PPCS: variants seen among roughly 807,000 people sequenced by gnomAD.
PPCS encodes phosphopantothenate--cysteine ligase.
PPCS carries 17 observed loss-of-function variants against 24.6 expected under a neutral mutation model. The observed-to-expected ratio is 0.69, with a 90% confidence interval of 0.47 to 1.04. PPCS has a LOEUF of 1.04. PPCS is among the 50% of genes least tolerant of loss of function. PPCS has a pLI of 0.00. For missense variants in PPCS, 360 were observed against 402.8 expected (o/e 0.89, Z 0.91); for synonymous variants, 190 against 168.3 (o/e 1.13, Z -1.00).
downstream of PPCS, chr1:42,464,090 A>G (rs1296815210): frequency 6.6e-6 from 1 of 152,158 alleles, no homozygotes; most frequent in African/African-American, 2.4e-5. Context: ...TCCTGCTACA[A>G]TGCTTTGCGT....
chr1:42,470,492 T>C (rs747279352), intron 2 of PPCS, among the ~76,000 whole-genome samples: 2 of 152,192 alleles, frequency 1.3e-5, no homozygotes, highest in Non-Finnish European at 2.9e-5. Context: ...AAAACAGGGA[T>C]TCAAATACTT....
At chr1:42,470,345 AAGACCTG>A (rs1643729109) in intron 2 of PPCS, among the ~76,000 whole-genome samples, 1 of 152,112 alleles carries the variant, frequency 6.6e-6, no homozygotes, top group African/African-American at 2.4e-5. Context: ...TGAAGATATT[AAGACCTG>A]CATTGCTGGT....
intron 2 of PPCS, among the ~76,000 whole-genome samples, chr1:42,468,128 G>A (rs892021945): frequency 2.0e-5 from 3 of 152,202 alleles, no homozygotes; most frequent in African/African-American, 7.2e-5. Flanking sequence ...CCCTCATATA[G>A]TAGTTGGGAT....
downstream of PPCS, chr1:42,464,239 T>C (rs1340796463): frequency 6.6e-6 from 1 of 152,232 alleles, no homozygotes; most frequent in Non-Finnish European, 1.5e-5. Flanking sequence ...CATTAAATAC[T>C]GTAGGTCTAG....
chr1:42,463,156 C>T (rs1015706324), downstream of PPCS, among the ~76,000 whole-genome samples: 5 of 152,152 alleles, frequency 3.3e-5, no homozygotes, highest in East Asian at 9.6e-4. Context: ...CCGCCCCCGA[C>T]CCGAAGGCCA....
chr1:42,456,531 C>T (rs981489922), upstream of PPCS: 18 of 1,441,266 alleles, frequency 1.2e-5, no homozygotes, highest in Non-Finnish European at 1.6e-5. Flanking sequence ...GCGGCGGCCG[C>T]GAAACGTGCG....
At chr1:42,469,405 C>A (rs1354121951) in intron 2 of PPCS, among the ~76,000 whole-genome samples, 1 of 151,992 alleles carries the variant, frequency 6.6e-6, no homozygotes, top group Non-Finnish European at 1.5e-5. Context: ...CAAAATGCAG[C>A]AAGTGTAAGA....
intron 2 of PPCS, among the ~76,000 whole-genome samples, chr1:42,470,092 G>A (rs563191673): frequency 1.3e-5 from 2 of 152,178 alleles, no homozygotes; most frequent in South Asian, 2.1e-4. Context: ...GTGGGACAAA[G>A]GGGTAAGATA....
At chr1:42,473,221 G>T in exon 3 of PPCS, 1 of 1,231,492 alleles carries the variant, frequency 8.1e-7, no homozygotes. Context: ...GCTTATTCCA[G>T]CCAGCACAGT....
At chr1:42,470,886 G>C (rs1451106776) in intron 2 of PPCS, among the ~76,000 whole-genome samples, 1 of 152,072 alleles carries the variant, frequency 6.6e-6, no homozygotes, top group Non-Finnish European at 1.5e-5. Context: ...TTGTGGTGAT[G>C]GTTAGACAAC....
In PPCS at chr1:42,459,178, T is replaced by TG. The variant is rs1208504908; in HGVS notation, c.613-424dup. On this transcript the variant is annotated intron_variant, in intron 2 of 2. Coordinates refer to ENST00000372561, the MANE Select transcript of PPCS (RefSeq NM_024664.4). ...GGCTTTTTTTTTTTTTTTTTTTTTT[T>TG]GTGAGACAAGGTGTCGCTCTGTTGC... 14 of 124,170 alleles carry TG rather than the reference T, an allele frequency of 1.1e-4. No individual in the cohort carries two copies. In the East Asian group the frequency reaches 1.5e-3, roughly 13 times the overall value. 7.7% of individuals were successfully genotyped at this position (124,170 alleles called of 1,614,324 possible). A position where few individuals can be genotyped will look rare whatever the true frequency, so the allele number is the denominator to read the frequency against.
chr1:42,466,591 G>A lies in PPCS; in HGVS notation n.378-6531G>A, dbSNP rs190258607. Among the ~76,000 whole-genome samples, 57 of 150,422 alleles carry A rather than the reference G, an allele frequency of 3.8e-4. No homozygotes were observed. In the East Asian group the frequency reaches 5.6e-3, roughly 15 times the overall value. ...TTTTGAGATGGAGCCTTGCTCTGTC[G>A]CCCAGGCTGGAGTGCAGTGTTGAGA... On this transcript the variant is annotated intron_variant and non_coding_transcript_variant, in intron 2 of 2. Transcript: ENST00000471420.
rs952234267 is a variant in PPCS, at chr1:42,459,924, T to G, written c.934T>G (p.Ter312GlyextTer6). The G allele has an allele frequency of 5.6e-6, 9 of 1,601,816 alleles. No homozygotes were observed. In the East Asian group the frequency reaches 2.0e-4, roughly 36 times the overall value. Residue 312 changes from the stop codon to glycine (G), a stop_lost, in exon 3 of 3, where the codon TGA becomes GGA. Transcript: ENST00000372561. ...CACAGCTTTTATAGGTGACAGAAAC[T>G]GAAGTAAAAAGCCCTTATAGGATCA... ...RHTAFIGDRN* is the reference protein window; with the variant it reads ...RHTAFIGDRNG
chr1:42,458,549 CAATA>C (rs1471990966), intron 2 of PPCS, among the ~76,000 whole-genome samples: 3 of 152,046 alleles, frequency 2.0e-5, no homozygotes, highest in Non-Finnish European at 2.9e-5. Context: ...GCAGAGGAGA[CAATA>C]AATAAGTCAA....
At chr1:42,464,987 A>C (rs145750146), downstream of PPCS, among the ~76,000 whole-genome samples, 972 of 152,332 alleles carry the variant, frequency 6.4e-3, 9 homozygotes, top group African/African-American at 0.022. Flanking sequence ...TTGCACATTA[A>C]ATTGGAACTG....
At chr1:42,458,890 A>G (rs549905340) in intron 2 of PPCS, among the ~76,000 whole-genome samples, 29 of 152,384 alleles carry the variant, frequency 1.9e-4, no homozygotes, top group Admixed American at 1.6e-3. Context: ...TCTAATAGCC[A>G]TTCTACCAAT....
At chr1:42,456,475 C>A, upstream of PPCS, 1 of 1,334,680 alleles carries the variant, frequency 7.5e-7, no homozygotes, top group Non-Finnish European at 9.9e-7. Flanking sequence ...ACCGCCCACT[C>A]AGTACGGCGC....
chr1:42,466,872 C>A (rs978028828), intron 2 of PPCS, among the ~76,000 whole-genome samples: 6 of 152,092 alleles, frequency 3.9e-5, no homozygotes, highest in African/African-American at 1.4e-4. Context: ...TTCTTATGTA[C>A]TTTGTTGTGT....
rs1393400817 is a variant in PPCS at position 42,458,320 on chromosome 1, T to C, written c.612+970T>C. Among the ~76,000 whole-genome samples, 9 of 152,116 alleles carry C rather than the reference T, an allele frequency of 5.9e-5. No individual in the cohort carries two copies. The East Asian group carries it at 1.2e-3, about 20-fold the overall frequency. The stretch of plus-strand genomic sequence containing the variant: ...GCTATTGTAGGTTAAGGAAGAAATA[T>C]GGATAAGGTAGGTGTGGTTGTGATT... On this transcript the variant is annotated intron_variant, in intron 2 of 2. Coordinates refer to ENST00000372561, the MANE Select transcript of PPCS (RefSeq NM_024664.4).
Sources: gnomAD v4.1 joint callset for allele counts (sites outside exome capture counted in the v4.1 genomes callset) on GRCh38, gnomAD v4.1.1 for gene constraint, MANE v1.5 for transcripts, NCBI Gene and HGNC (gene_info 2026-07-23, HGNC 2026-07-21) for gene names.